FLT4: variants seen among roughly 807,000 people sequenced by gnomAD.
The protein encoded by FLT4 is fms related receptor tyrosine kinase 4.
In FLT4, 30 loss-of-function variants were observed where a neutral mutation model predicts 163.2. The observed-to-expected ratio is 0.18, with a 90% CI of 0.14 to 0.25. The LOEUF is 0.25. FLT4 is among the 10% of genes least tolerant of loss of function. The pLI is 1.00. For synonymous variants in FLT4, 884 were observed against 789.5 expected, an observed-to-expected ratio of 1.12 and a Z score of -2.01; for missense variants, 1,510 against 1,863.8, an observed-to-expected ratio of 0.81 and a Z score of 3.50.
chr5:180,627,199 C>T (rs923855936), intron 8 of FLT4, among the ~76,000 whole-genome samples: 1 of 152,178 alleles, frequency 6.6e-6, no homozygotes, highest in African/African-American at 2.4e-5. Context: ...TGTGGCAGGC[C>T]AGAGATACAC....
rs759864995 is a variant in FLT4 at position 180,620,338 on chromosome 5, C to T, written c.2407-30G>A. The stretch of plus-strand genomic sequence containing the variant: ...GGGGAGGGGACAGGGAGGAGTGGGG[C>T]AGCTCACTGATTTGGCCATACCACT... On this transcript the variant is annotated intron_variant, in intron 16 of 29. Coordinates refer to ENST00000261937, the MANE Select transcript of FLT4 (RefSeq NM_182925.5). The surrounding 1 kb of genome is among the most constrained non-coding windows in gnomAD (Gnocchi z 4.4). 1.2e-6 allele frequency: 2 copies of T among 1,607,974 alleles called. No homozygotes were observed. The highest frequency in any genetic ancestry group is 2.2e-5 in the South Asian group (2 of 91,054).
intron 1 of FLT4, among the ~76,000 whole-genome samples, chr5:180,644,097 G>A (rs889510143): frequency 8.5e-5 from 13 of 152,192 alleles, no homozygotes; most frequent in African/African-American, 2.4e-5. Flanking sequence ...GATTACAGGC[G>A]TGAGCCACCA....
chr5:180,635,886 TG>T (rs1764642152), intron 1 of FLT4, among the ~76,000 whole-genome samples: 1 of 95,974 alleles, frequency 1.0e-5, no homozygotes, highest in Non-Finnish European at 2.1e-5. Context: ...GATGGATGGA[TG>T]GGAGTATGGG....
chr5:180,611,305 A>T (rs1561695529), intron 27 of FLT4, 26 bp downstream of exon 27: 1 of 1,612,786 alleles, frequency 6.2e-7, no homozygotes, highest in South Asian at 1.1e-5. Context: ...CTCCCACCCT[A>T]CTCCTGGACC....
Position 180,609,924 on chromosome 5 carries a change from G to T in FLT4, c.3788C>A (p.Thr1263Lys). 1 of 1,614,168 alleles carries T rather than the reference G, an allele frequency of 6.2e-7. No homozygotes were observed. The highest frequency in any genetic ancestry group is 8.5e-7 in the Non-Finnish European group (1 of 1,179,994). ...AAGTACCACAGAGCCTTTGTAGGTC[G>T]TTGGGGTCATGGGGAATTCCTCAAA... ...KTFEEFPMTP[T>K]TYKGSVDNQT... The change falls in exon 28 of 30, where the codon ACG becomes AAG. Residue 1263 changes from threonine to lysine, a missense_variant. Transcript: ENST00000261937.
intron 1 of FLT4, among the ~76,000 whole-genome samples, chr5:180,641,419 G>C (rs535143947): frequency 3.9e-5 from 6 of 152,346 alleles, no homozygotes; most frequent in African/African-American, 1.4e-4. Flanking sequence ...CCTCTCCCTG[G>C]GGTGCTTGGG....
intron 1 of FLT4, among the ~76,000 whole-genome samples, chr5:180,638,472 C>T (rs1047755401): frequency 2.0e-5 from 3 of 152,210 alleles, no homozygotes; most frequent in Non-Finnish European, 2.9e-5. Flanking sequence ...TTCTGGGGCC[C>T]GCTCTTGTCG....
Position 180,620,604 on chromosome 5 carries a change from C to T in FLT4, c.2406+5G>A. 1 of 1,590,060 alleles carries T rather than the reference C, an allele frequency of 6.3e-7. No homozygotes were observed. Among genetic ancestry groups the T allele is most frequent in the Non-Finnish European group, 8.6e-7 (1 of 1,158,940 alleles). On this transcript the variant is annotated splice_donor_5th_base_variant and intron_variant, in intron 16 of 29. Coordinates refer to ENST00000261937, the MANE Select transcript of FLT4 (RefSeq NM_182925.5). This position sits in a 1 kb window ranked among gnomAD's most constrained non-coding sequence, Gnocchi z 4.4. ...ACTCCATCAGGAGCGGGGAGGGACA[C>T]TCACCCTCCTCATGTTACAGAAGAT...
chr5:180,624,165 T>C (rs1218639594), intron 10 of FLT4, 104 bp from the exon 11 acceptor site: 12 of 1,361,622 alleles, frequency 8.8e-6, no homozygotes, highest in Non-Finnish European at 1.2e-5. Context: ...CCTTCTCATA[T>C]GGGGTCGTGG....
intron 23 of FLT4, 114 bp downstream of exon 23, chr5:180,616,253 C>A (rs1561706343): frequency 3.4e-6 from 5 of 1,482,832 alleles, no homozygotes; most frequent in Non-Finnish European, 3.7e-6. Flanking sequence ...GCTGGCCAAC[C>A]AAGGAGCTCA....
chr5:180,644,182 A>G (rs931431585), intron 1 of FLT4, among the ~76,000 whole-genome samples: 5 of 152,098 alleles, frequency 3.3e-5, no homozygotes, highest in Non-Finnish European at 7.3e-5. Flanking sequence ...TATTCCCAGG[A>G]TTGGACTTAG....
Position 180,628,945 on chromosome 5 carries a change from G to A in FLT4, c.1040C>T (p.Ala347Val), listed in dbSNP as rs2127833374. 6.2e-7 allele frequency: 1 copy of A among 1,612,776 alleles called. No homozygotes were observed. Among genetic ancestry groups the A allele is most frequent in the East Asian group, 2.2e-5 (1 of 44,866 alleles). ...WLKGPILEAT[A>V]GDELVKLPVK... ...GGGCAGCTTCACCAGCTCGTCTCCT[G>A]CCGTGGCCTCCAGGATGGGTCCTTT... The change falls in exon 8 of 30, where the codon GCA (alanine) becomes GTA (valine). Residue 347 changes from alanine (A) to valine (V), a missense_variant. Around this residue, in one of 5 missense-constraint regions of FLT4, gnomAD observed 878 missense variants for 1,016.7 expected, o/e 0.86. Transcript: ENST00000261937.
intron 7 of FLT4, 39 bp downstream of exon 7, chr5:180,629,220 G>A (rs755493618): frequency 6.2e-7 from 1 of 1,610,654 alleles, no homozygotes; most frequent in South Asian, 1.1e-5. Flanking sequence ...CTGGGCCCAG[G>A]CCCACAGGGC....
At chr5:180,627,036 G>A (rs1043463563) in intron 8 of FLT4, among the ~76,000 whole-genome samples, 7 of 152,160 alleles carry the variant, frequency 4.6e-5, no homozygotes, top group African/African-American at 9.7e-5. Context: ...GCAGAGTTGC[G>A]CCCAGATGCC....
At chr5:180,639,574 T>G (rs1581705597) in intron 1 of FLT4, among the ~76,000 whole-genome samples, 1 of 151,470 alleles carries the variant, frequency 6.6e-6, no homozygotes, top group Non-Finnish European at 1.5e-5. Flanking sequence ...GGGTGGATGG[T>G]TAGATGGTTG....
Position 180,621,351 on chromosome 5 carries a change from G to A in FLT4, c.2021-99C>T, listed in dbSNP as rs938960378. 33 of 1,468,764 alleles carry A rather than the reference G, an allele frequency of 2.2e-5. No individual in the cohort carries two copies. In the African/African-American group the frequency reaches 2.9e-4, roughly 13 times the overall value. 91.0% of individuals were successfully genotyped at this position (1,468,764 alleles called of 1,614,324 possible). On this transcript the variant is annotated intron_variant, in intron 13 of 29. Coordinates refer to ENST00000261937, the MANE Select transcript of FLT4 (RefSeq NM_182925.5). ...AGGTAGAAAAGGATCCCTGGAAGCT[G>A]GACTTAGGGGTTGTGCGCCGGGCAG...
chr5:180,637,082 C>T (rs1363979347), intron 1 of FLT4, among the ~76,000 whole-genome samples: 1 of 152,132 alleles, frequency 6.6e-6, no homozygotes, highest in Non-Finnish European at 1.5e-5. Context: ...TGGCTGGGCA[C>T]AGTGGCTCAT....
chr5:180,626,353 AGGAG>A, intron 8 of FLT4, 88 bp from the exon 9 acceptor site: 2 of 1,461,302 alleles, frequency 1.4e-6, no homozygotes, highest in African/African-American at 1.4e-5. Flanking sequence ...TACAGTTGGG[AGGAG>A]GGAGGGGCTG....
rs2127793934 is a variant in FLT4 at position 180,612,499 on chromosome 5, G to A, written c.3537+7C>T. ...CCATAGTAGAACAGGGTGGGGAAGG[G>A]GCTCACTTGCAGGCCCCTGCCCTGG... On this transcript the variant is annotated splice_region_variant and intron_variant, in intron 26 of 29. Transcript: ENST00000261937. The A allele has an allele frequency of 1.2e-6, 2 of 1,604,844 alleles. No individual in the cohort carries two copies. Among genetic ancestry groups the A allele is most frequent in the South Asian group, 1.1e-5 (1 of 90,910 alleles).
Sources: allele counts gnomAD v4.1 joint callset (sites outside exome capture counted in the v4.1 genomes callset), GRCh38; gene constraint gnomAD v4.1.1; regional missense constraint gnomAD v4.1.1; non-coding constraint Gnocchi (gnomAD v3.1); transcripts MANE v1.5; gene names NCBI Gene and HGNC (gene_info 2026-07-23, HGNC 2026-07-21).